The following TAB2 variants were observed in gnomAD, a reference collection of about 807,000 sequenced individuals.
TAB2 encodes TGF-beta activated kinase 1 (MAP3K7) binding protein 2.
Under a neutral mutation model 65.0 loss-of-function variants are expected in TAB2, and 3 were observed. The observed-to-expected ratio is 0.05, with a 90% confidence interval of 0.02 to 0.12. The LOEUF (loss-of-function observed/expected upper bound fraction) is 0.12. Ranked by LOEUF, TAB2 falls within the 10% of genes least tolerant of loss-of-function variation. The pLI is 1.00. For synonymous variants in TAB2, 298 were observed against 285.1 expected (o/e 1.05, Z -0.46); for missense variants, 623 against 840.3 (o/e 0.74, Z 3.20).
intron 1 of TAB2, among the ~76,000 whole-genome samples, chr6:149,325,897 G>A (rs929397576): frequency 2.6e-5 from 4 of 152,036 alleles, no homozygotes; most frequent in Non-Finnish European, 5.9e-5. Flanking sequence ...GTACCACAAC[G>A]CTCAGCTTAC....
At chr6:149,352,234 A>C (rs1412388965) in intron 1 of TAB2, among the ~76,000 whole-genome samples, 1 of 152,144 alleles carries the variant, frequency 6.6e-6, no homozygotes, top group African/African-American at 2.4e-5. Flanking sequence ...TCAGAAATTT[A>C]CCTGCCCAAA....
intron 6 of TAB2, among the ~76,000 whole-genome samples, chr6:149,401,580 G>A (rs536009007): frequency 5.3e-5 from 8 of 152,076 alleles, no homozygotes; most frequent in East Asian, 3.9e-4. Flanking sequence ...CAGTTCTGAC[G>A]ACAGAAATTG....
At chr6:149,350,073 A>G (rs1034484988) in intron 1 of TAB2, among the ~76,000 whole-genome samples, 2 of 152,096 alleles carry the variant, frequency 1.3e-5, no homozygotes. Context: ...CTGGGATTAC[A>G]GGCGCCTGCC....
chr6:149,359,894 G>GT (rs1181194621), intron 1 of TAB2, among the ~76,000 whole-genome samples: 1 of 152,074 alleles, frequency 6.6e-6, no homozygotes, highest in Non-Finnish European at 1.5e-5. Flanking sequence ...CTGAAGCCAA[G>GT]TTTTTTTCTC....
At chr6:149,403,273 T>C (rs191048997) in intron 6 of TAB2, among the ~76,000 whole-genome samples, 23,603 of 69,496 alleles carry the variant, frequency 0.34, 3,528 homozygotes, top group African/African-American at 0.39. Flanking sequence ...TATATATATA[T>C]ATATATATAT....
At chr6:149,287,691 T>C (rs1381740598) in intron 1 of TAB2, among the ~76,000 whole-genome samples, 3 of 152,214 alleles carry the variant, frequency 2.0e-5, no homozygotes, top group Non-Finnish European at 2.9e-5. Context: ...TGCCTAGTTT[T>C]ATTTTTTGTA....
intron 1 of TAB2, among the ~76,000 whole-genome samples, chr6:149,319,095 G>T (rs1279928934): frequency 6.6e-6 from 1 of 152,178 alleles, no homozygotes; most frequent in African/African-American, 2.4e-5. Flanking sequence ...TTTTAGGTAA[G>T]TTTGTAAAGT....
chr6:149,218,847 A>G (rs1182149725), intron 1 of TAB2: 4 of 449,604 alleles, frequency 8.9e-6, no homozygotes, highest in African/African-American at 8.0e-5. Context: ...GTCTGTTTGA[A>G]CTTCTGTAGA....
intron 3 of TAB2, among the ~76,000 whole-genome samples, chr6:149,386,936 C>T (rs1781825724): frequency 6.6e-6 from 1 of 152,114 alleles, no homozygotes; most frequent in African/African-American, 2.4e-5. Flanking sequence ...CTATTCATAT[C>T]CTTTGCCTAC....
chr6:149,253,970 G>GA (rs1410153684), intron 1 of TAB2, among the ~76,000 whole-genome samples: 2 of 101,594 alleles, frequency 2.0e-5, no homozygotes, highest in African/African-American at 7.5e-5. Flanking sequence ...AAGAAAGAAA[G>GA]AAAGAAAGAA....
intron 1 of TAB2, among the ~76,000 whole-genome samples, chr6:149,249,425 T>C (rs1777810915): frequency 6.6e-6 from 1 of 152,070 alleles, no homozygotes; most frequent in Non-Finnish European, 1.5e-5. Context: ...TGTAACTCTC[T>C]CTCTGTCTCT....
intron 1 of TAB2, among the ~76,000 whole-genome samples, chr6:149,311,498 T>C (rs778592133): frequency 8.5e-5 from 13 of 152,244 alleles, no homozygotes; most frequent in Non-Finnish European, 1.9e-4. Flanking sequence ...CGCAATGGTA[T>C]GGTGAAGGGA....
rs138114047 is a variant in TAB2, at chr6:149,269,168, C to A, written c.-121+50392C>A. On this transcript the variant is annotated intron_variant, in intron 1 of 1. Transcript: ENST00000606202. ...TGAAAATTGAGTCTGAGGCATAATA[C>A]CTAAATAAAAGCTGTTTCATTAGCC... 4.5e-3 allele frequency among the ~76,000 whole-genome samples: 691 copies of A among 152,244 alleles called. 7 individuals are homozygous for A. The highest frequency in any genetic ancestry group is 0.02 in the Middle Eastern group (6 of 294).
chr6:149,400,300 C>T (rs1458867603), intron 6 of TAB2: 2 of 1,423,390 alleles, frequency 1.4e-6, no homozygotes, highest in South Asian at 1.3e-5. Context: ...GCTGTCACCT[C>T]CTGCTGCTCT....
At chr6:149,289,986 A>G (rs1778747487) in intron 1 of TAB2, among the ~76,000 whole-genome samples, 1 of 152,136 alleles carries the variant, frequency 6.6e-6, no homozygotes, top group Admixed American at 6.5e-5. Context: ...AGAGAAAGGA[A>G]TGTCTGGTCA....
At position 149,379,485 on chromosome 6, in the gene TAB2, A is replaced by G. The variant is rs1333276543; in HGVS notation, c.1570A>G (p.Ser524Gly). Residue 524 changes from serine (S) to glycine (G), a missense_variant, in exon 3 of 7, where the codon AGT becomes GGT. Ser to Gly is a moderately conservative substitution (Grantham distance 56). Around this residue, in one of 3 missense-constraint regions of TAB2, gnomAD observed 550 missense variants for 665.7 expected, o/e 0.83. Transcript: ENST00000637181. The stretch of plus-strand genomic sequence containing the variant: ...TAGAATAAGTGAAACACGGAAACTG[A>G]GTATGGGATCTGATGATGCTGCCTA... The part of the protein sequence containing the change: ...VDRISETRKL[S>G]MGSDDAAYTQ... The G allele has an allele frequency of 6.2e-7, 1 of 1,614,056 alleles. No homozygotes were observed. The highest frequency in any genetic ancestry group is 8.5e-7 in the Non-Finnish European group (1 of 1,180,032).
intron 1 of TAB2, among the ~76,000 whole-genome samples, chr6:149,259,533 A>G (rs1019188853): frequency 6.6e-6 from 1 of 152,204 alleles, no homozygotes; most frequent in Non-Finnish European, 1.5e-5. Context: ...ACATTGAAAC[A>G]AGATCCTCAC....
At chr6:149,247,249 C>A (rs1417858893) in intron 1 of TAB2, 2 of 152,340 alleles carry the variant, frequency 1.3e-5, no homozygotes, top group Non-Finnish European at 2.9e-5. Context: ...CAGAAACACA[C>A]AGGTAAGCAC....
At chr6:149,348,768 A>G (rs1456295883) in intron 1 of TAB2, among the ~76,000 whole-genome samples, 1 of 152,092 alleles carries the variant, frequency 6.6e-6, no homozygotes, top group Non-Finnish European at 1.5e-5. Context: ...GTTCGAGACC[A>G]GCCTAGCCAA....
Sources: gnomAD v4.1 joint callset for allele counts (sites outside exome capture counted in the v4.1 genomes callset) on GRCh38, gnomAD v4.1.1 for gene constraint, gnomAD v4.1.1 regional missense constraint, MANE v1.5 for transcripts, NCBI Gene and HGNC (gene_info 2026-07-23, HGNC 2026-07-21) for gene names.